Variants in UGT2B11 observed in about 807,000 individuals in gnomAD.
The protein encoded by UGT2B11 is UDP-glucuronosyltransferase 2B11.
In UGT2B11, 49 loss-of-function variants were observed where a neutral mutation model predicts 51.7. That is an observed-to-expected ratio of 0.95 (90% CI 0.75 to 1.20). The LOEUF (loss-of-function observed/expected upper bound fraction) is 1.20, where lower values mean the gene tolerates loss of function less well. UGT2B11 is among the 50% of genes most tolerant of loss of function. The probability of loss-of-function intolerance (pLI) is 0.00; values close to 1 mark genes in which losing one functional copy is unlikely to be tolerated. For missense variants in UGT2B11, 810 were observed against 622.1 expected (o/e 1.30, Z -3.21); for synonymous variants, 273 against 209.0 (o/e 1.31, Z -2.64).
intron 4 of UGT2B11, among the ~76,000 whole-genome samples, chr4:69,204,912 A>T (rs1721792222): frequency 6.6e-6 from 1 of 151,674 alleles, no homozygotes; most frequent in African/African-American, 2.4e-5. Flanking sequence ...TTAAATGTGC[A>T]CAAAAGAGGA....
intron 5 of UGT2B11, 121 bp downstream of exon 5, chr4:69,204,309 G>C: frequency 2.1e-6 from 3 of 1,427,038 alleles, no homozygotes; most frequent in East Asian, 2.4e-5. Context: ...ATTTCAGATT[G>C]GTTATATCAT....
At chr4:69,205,398 A>T in intron 4 of UGT2B11, 82 bp downstream of exon 4, 1 of 1,532,540 alleles carries the variant, frequency 6.5e-7, no homozygotes, top group Non-Finnish European at 8.9e-7. Flanking sequence ...TTTTCCTATA[A>T]CAAATATTCA....
Position 69,214,497 on chromosome 4 carries a change from C to A in UGT2B11, c.226G>T (p.Val76Phe). The A allele has an allele frequency of 6.2e-7, 1 of 1,613,100 alleles. No homozygotes were observed. Among genetic ancestry groups the A allele is most frequent in the African/African-American group, 1.3e-5 (1 of 74,934 alleles). Residue 76 changes from valine (V) to phenylalanine (F), a missense_variant, in exon 1 of 6, where the codon GTT becomes TTT. Val to Phe is a conservative substitution (Grantham distance 50, BLOSUM62 -1). Coordinates refer to ENST00000446444, the MANE Select transcript of UGT2B11 (RefSeq NM_001073.3). Reference protein sequence around the residue: ...PNDASTLKFEVYPTSLTKTEF... With the variant: ...PNDASTLKFEFYPTSLTKTEF... ...GTTTTAGTTAAAGATGTAGGATAAA[C>A]TTCAAATTTAAGAGTGGATGCATCA...
At chr4:69,216,538 G>A (rs1279888361), upstream of UGT2B11, 8 of 151,418 alleles carry the variant, frequency 5.3e-5, no homozygotes, top group Non-Finnish European at 7.4e-5. Context: ...TTGATACAAA[G>A]ACTGTATTTC....
intron 3 of UGT2B11, among the ~76,000 whole-genome samples, chr4:69,207,150 T>G (rs1237450819): frequency 9.9e-5 from 15 of 151,642 alleles, no homozygotes; most frequent in Non-Finnish European, 1.6e-4. Flanking sequence ...AAATTGTACT[T>G]TGCTAAATTT....
chr4:69,205,688 T>C lies in UGT2B11; in HGVS notation c.1003-121A>G, dbSNP rs913639341. On this transcript the variant is annotated intron_variant, in intron 3 of 5. Coordinates refer to ENST00000446444, the MANE Select transcript of UGT2B11 (RefSeq NM_001073.3). The stretch of plus-strand genomic sequence containing the variant: ...GTTAGTAAATAAATCTACTCAAAGA[T>C]TGATGTAAAAAGAATACTCACATTT... 27 of 1,126,960 alleles carry C rather than the reference T, an allele frequency of 2.4e-5. No homozygotes were observed. In the Admixed American group the frequency reaches 2.7e-4, roughly 11 times the overall value. 69.8% of individuals were successfully genotyped at this position (1,126,960 alleles called of 1,614,324 possible). A position where few individuals can be genotyped will look rare whatever the true frequency, so the allele number is the denominator to read the frequency against.
upstream of UGT2B11, among the ~76,000 whole-genome samples, chr4:69,218,506 TG>T (rs560782895): frequency 1.9e-3 from 288 of 149,388 alleles, 3 homozygotes; most frequent in African/African-American, 6.8e-3. Context: ...TAGAGGCAAA[TG>T]TTTTTTTCTT....
rs753074329 is a variant in UGT2B11, at chr4:69,213,990, A to G, written c.721+12T>C. ...GTTAGATCTTCACGTTACCGATTAA[A>G]CAAATTCTTACCTAAAACTTCACTG... On this transcript the variant is annotated intron_variant, in intron 1 of 5. Transcript: ENST00000446444. The G allele has an allele frequency of 9.0e-6, 14 of 1,548,982 alleles. No homozygotes were observed. The African/African-American group carries it at 1.8e-4, about 20-fold the overall frequency.
At chr4:69,204,351 A>G in intron 5 of UGT2B11, 79 bp downstream of exon 5, 1 of 1,565,372 alleles carries the variant, frequency 6.4e-7, no homozygotes, top group Non-Finnish European at 8.7e-7. Context: ...CTCTTATAAA[A>G]AGGATGAAAC....
At chr4:69,220,512 C>T in the UGT2B11 span, among the ~76,000 whole-genome samples, 1 of 1,500 alleles carries the variant, frequency 6.7e-4, no homozygotes, top group East Asian at 0.083. Flanking sequence ...AACAGAGTTT[C>T]TTCATGATTG....
intron 3 of UGT2B11, among the ~76,000 whole-genome samples, chr4:69,207,129 G>T (rs1721889222): frequency 1.3e-5 from 2 of 151,440 alleles, no homozygotes; most frequent in South Asian, 4.2e-4. Context: ...TAAAGCTAAT[G>T]AATAAACTCA....
intron 5 of UGT2B11, among the ~76,000 whole-genome samples, chr4:69,203,018 TA>T (rs985967248): frequency 6.6e-6 from 1 of 151,660 alleles, no homozygotes; most frequent in African/African-American, 2.4e-5. Context: ...AATCAATTAT[TA>T]AAAATTTAAC....
intron 5 of UGT2B11, chr4:69,204,213 A>G (rs1721763541): frequency 3.9e-6 from 2 of 515,050 alleles, no homozygotes; most frequent in Admixed American, 4.0e-5. Context: ...ATTTTTGTTT[A>G]GAAAATTGCT....
intron 5 of UGT2B11, among the ~76,000 whole-genome samples, chr4:69,204,038 A>C (rs964831354): frequency 1.3e-5 from 2 of 151,688 alleles, no homozygotes; most frequent in Non-Finnish European, 1.5e-5. Context: ...AATGATGATA[A>C]AAATTAATTT....
At chr4:69,218,977 A>C (rs1378828425), upstream of UGT2B11, among the ~76,000 whole-genome samples, 3 of 152,082 alleles carry the variant, frequency 2.0e-5, no homozygotes, top group South Asian at 4.1e-4. Context: ...GCTGTCTACT[A>C]TTCCTTTGAC....
chr4:69,200,760 T>A (rs778155195), intron 5 of UGT2B11, 41 bp from the exon 6 acceptor site: 1 of 1,569,862 alleles, frequency 6.4e-7, no homozygotes, highest in Non-Finnish European at 8.6e-7. Flanking sequence ...GAAAGTAAGT[T>A]AATTTGCCTG....
chr4:69,200,845 T>G, intron 5 of UGT2B11, 126 bp from the exon 6 acceptor site: 2 of 1,199,876 alleles, frequency 1.7e-6, no homozygotes, highest in Non-Finnish European at 2.2e-6. Flanking sequence ...GACAGAGAAT[T>G]TGTGTATTTT....
rs201490184 is a variant in UGT2B11, at chr4:69,200,615, C to A, written c.1415G>T (p.Gly472Val). 6.0e-5 allele frequency: 97 copies of A among 1,612,298 alleles called. No individual in the cohort carries two copies. The highest frequency in any genetic ancestry group is 7.5e-5 in the Non-Finnish European group (88 of 1,178,972). ...GGCTGCAACTCGAAGGTGTTTGGCT[C>A]CTTTGTGGGGCATGACAAATTCAAT... ...FWIEFVMPHK[G>V]AKHLRVAAHD... is the part of the protein sequence containing the mutation. The change falls in exon 6 of 6, where the codon GGA (glycine) becomes GTA (valine). Residue 472 changes from glycine (G) to valine (V), a missense_variant. Transcript: ENST00000446444.
At chr4:69,205,663 G>T in intron 3 of UGT2B11, 96 bp from the exon 4 acceptor site, 2 of 1,328,250 alleles carry the variant, frequency 1.5e-6, no homozygotes, top group African/African-American at 1.5e-5. Flanking sequence ...ATCAAGGGAT[G>T]TTAGTAAATA....
Sources: allele counts gnomAD v4.1 joint callset (sites outside exome capture counted in the v4.1 genomes callset), GRCh38; gene constraint gnomAD v4.1.1; transcripts MANE v1.5; gene names NCBI Gene and HGNC (gene_info 2026-07-23, HGNC 2026-07-21).